Variants in TIMD4 observed in about 807,000 individuals in gnomAD.
TIMD4 encodes the protein T-cell immunoglobulin and mucin domain-containing protein 4.
TIMD4 carries 31 observed loss-of-function variants against 41.2 expected under a neutral mutation model. That is an observed-to-expected ratio of 0.75 (90% CI 0.57 to 1.01). The LOEUF is 1.01. Among genes scored for constraint, TIMD4 ranks in the 50% least tolerant of loss-of-function variants. The pLI, the probability that TIMD4 is intolerant of heterozygous loss-of-function variation, is 0.00. For synonymous variants in TIMD4, 204 were observed against 177.1 expected (o/e 1.15, Z -1.21); for missense variants, 479 against 472.5 (o/e 1.01, Z -0.13).
intron 5 of TIMD4, among the ~76,000 whole-genome samples, chr5:156,930,811 A>C (rs533145122): frequency 6.6e-6 from 1 of 152,358 alleles, no homozygotes; most frequent in South Asian, 2.1e-4. Flanking sequence ...TCATCTCTCA[A>C]ATGTAGTTTG....
chr5:156,920,551 A>G, intron 7 of TIMD4, 48 bp from the exon 8 acceptor site: 1 of 1,596,126 alleles, frequency 6.3e-7, no homozygotes, highest in Non-Finnish European at 8.6e-7. Context: ...CGGTGCATAG[A>G]ACATGCAAAA....
At chr5:156,957,424 AATCGCTGGAACCC>A (rs1405201770) in intron 1 of TIMD4, among the ~76,000 whole-genome samples, 1 of 149,838 alleles carries the variant, frequency 6.7e-6, no homozygotes, top group Admixed American at 6.6e-5. Context: ...GAGGCAGGAG[AATCGCTGGAACCC>A]AGGAGGCGGA....
At position 156,938,181 on chromosome 5, in the gene TIMD4, C is replaced by T. The variant is rs1000305931; in HGVS notation, c.844+10235G>A. Reference sequence around the variant, plus strand: ...GCTCTAATTTGGGAGCCAGAAGAGACTCCTACCTAAGGACGAGTGCTCACT... The same window carrying T: ...GCTCTAATTTGGGAGCCAGAAGAGATTCCTACCTAAGGACGAGTGCTCACT... On this transcript the variant is annotated intron_variant, in intron 5 of 8. Coordinates refer to ENST00000274532, the MANE Select transcript of TIMD4 (RefSeq NM_138379.3). Among the ~76,000 whole-genome samples the T allele has an allele frequency of 2.0e-5, 3 of 152,184 alleles. No homozygotes were observed. The South Asian group carries it at 6.2e-4, about 32-fold the overall frequency.
At chr5:156,951,881 T>G in intron 2 of TIMD4, 91 bp from the exon 3 acceptor site, 3 of 1,541,896 alleles carry the variant, frequency 1.9e-6, no homozygotes, top group South Asian at 2.5e-5. Context: ...CCATTTCTGT[T>G]GTCCTCACCT....
intron 5 of TIMD4, among the ~76,000 whole-genome samples, chr5:156,931,075 A>T (rs1049959096): frequency 1.3e-5 from 2 of 152,214 alleles, no homozygotes; most frequent in Non-Finnish European, 2.9e-5. Flanking sequence ...ACAGAGAGAG[A>T]GAGATATTTG....
chr5:156,924,403 G>T, intron 6 of TIMD4: 1 of 426,700 alleles, frequency 2.3e-6, no homozygotes, highest in South Asian at 1.9e-5. Flanking sequence ...GTTCAATGGG[G>T]GTGAGACAGC....
intron 5 of TIMD4, chr5:156,935,491 A>C (rs1316408326): frequency 3.9e-5 from 6 of 152,214 alleles, no homozygotes; most frequent in African/African-American, 1.4e-4. Flanking sequence ...CATTACATAC[A>C]TCAGTCAGGC....
intron 7 of TIMD4, among the ~76,000 whole-genome samples, chr5:156,921,155 A>G (rs1759229856): frequency 6.6e-6 from 1 of 151,986 alleles, no homozygotes; most frequent in Non-Finnish European, 1.5e-5. Flanking sequence ...TGGAGGTGCA[A>G]GGTCATGGAG....
intron 8 of TIMD4, 36 bp downstream of exon 8, chr5:156,920,428 A>G (rs764658691): frequency 4.3e-6 from 7 of 1,610,806 alleles, no homozygotes; most frequent in Non-Finnish European, 5.9e-6. Flanking sequence ...CAGCTTGTAC[A>G]ATCATTACAA....
At chr5:156,953,855 C>T (rs191030411) in intron 2 of TIMD4, among the ~76,000 whole-genome samples, 26 of 152,166 alleles carry the variant, frequency 1.7e-4, no homozygotes, top group African/African-American at 5.5e-4. Flanking sequence ...TTCAACCATA[C>T]GCTCAATGCA....
chr5:156,960,920 T>A (rs1760069364), intron 1 of TIMD4, among the ~76,000 whole-genome samples: 1 of 152,218 alleles, frequency 6.6e-6, no homozygotes, highest in Admixed American at 6.5e-5. Flanking sequence ...ACCTGAACTA[T>A]TCCAGAGGCT....
At chr5:156,960,687 A>G (rs974271442) in intron 1 of TIMD4, among the ~76,000 whole-genome samples, 1 of 152,168 alleles carries the variant, frequency 6.6e-6, no homozygotes, top group Non-Finnish European at 1.5e-5. Context: ...GATTATAGGC[A>G]TGAGCCACCA....
rs1007644351 is a variant in TIMD4, at chr5:156,954,584, G to T, written c.231C>A (p.Thr77=). ...GTCTATATTTTGCTGACTTTCTTGA[G>T]GTCACCCTCATTCCATCAGTGCGGA... ...ALIRTDGMRV[T]SRKSAKYRLQ... The change falls in exon 2 of 9, where the codon ACC becomes ACA. Residue 77 remains threonine, a synonymous_variant. Coordinates refer to ENST00000274532, the MANE Select transcript of TIMD4 (RefSeq NM_138379.3). 1.2e-6 allele frequency: 2 copies of T among 1,614,116 alleles called. No homozygotes were observed. Among genetic ancestry groups the T allele is most frequent in the Non-Finnish European group, 8.5e-7 (1 of 1,180,052 alleles).
chr5:156,947,274 TAAAC>T (rs571282250), intron 5 of TIMD4, among the ~76,000 whole-genome samples: 87 of 152,198 alleles, frequency 5.7e-4, no homozygotes, highest in African/African-American at 2.0e-3. Context: ...TTGAAAAAGT[TAAAC>T]AAACAGTCAT....
In TIMD4 at chr5:156,954,729, G is replaced by C. The variant is rs375659101; in HGVS notation, c.86C>G (p.Thr29Arg). The C allele has an allele frequency of 6.2e-7, 1 of 1,612,980 alleles. No individual in the cohort carries two copies. Among genetic ancestry groups the C allele is most frequent in the Non-Finnish European group, 8.5e-7 (1 of 1,179,312 alleles). ...AGTCACCCGGTGACCCAAAACCTCC[G>C]TCACAACAGTCTCTGAAGTGACTGG... ...LTPVTSETVV[T>R]EVLGHRVTLP... The change falls in exon 2 of 9, where the codon ACG becomes AGG. Residue 29 changes from threonine to arginine, a missense_variant. Transcript: ENST00000274532.
intron 5 of TIMD4, among the ~76,000 whole-genome samples, chr5:156,934,821 C>T (rs890727038): frequency 2.6e-5 from 4 of 151,888 alleles, no homozygotes; most frequent in Non-Finnish European, 5.9e-5. Context: ...CAGAAATCAA[C>T]GGAAAAGAAG....
At chr5:156,960,592 A>G (rs1248200631) in intron 1 of TIMD4, among the ~76,000 whole-genome samples, 1 of 152,064 alleles carries the variant, frequency 6.6e-6, no homozygotes, top group East Asian at 1.9e-4. Context: ...TTTTTAGTAG[A>G]GACGGGGTTT....
chr5:156,944,852 T>G (rs1410263327), intron 5 of TIMD4, among the ~76,000 whole-genome samples: 4 of 152,120 alleles, frequency 2.6e-5, no homozygotes, highest in Admixed American at 2.6e-4. Flanking sequence ...CCTGGCCAGC[T>G]GTGTGATCTT....
At chr5:156,925,047 G>A (rs1043200259) in intron 6 of TIMD4, among the ~76,000 whole-genome samples, 2 of 152,184 alleles carry the variant, frequency 1.3e-5, no homozygotes, top group Admixed American at 6.5e-5. Context: ...GTTGGCTCAC[G>A]CCTGTAATCC....
Sources: gnomAD v4.1 joint callset for allele counts (sites outside exome capture counted in the v4.1 genomes callset) on GRCh38, gnomAD v4.1.1 for gene constraint, MANE v1.5 for transcripts, NCBI Gene and HGNC (gene_info 2026-07-23, HGNC 2026-07-21) for gene names.